Variants in MAGI1 observed in about 807,000 individuals in gnomAD.
MAGI1 encodes membrane-associated guanylate kinase, WW and PDZ domain-containing protein 1.
In MAGI1, 58 loss-of-function variants were observed where a neutral mutation model predicts 139.9. That is an observed-to-expected ratio of 0.41 (90% confidence interval 0.34 to 0.52). The LOEUF is 0.52. MAGI1 is among the 20% of genes least tolerant of loss of function. The pLI is 0.12. For synonymous variants in MAGI1, 812 were observed against 737.9 expected, an observed-to-expected ratio of 1.10 and a Z score of -1.63; for missense variants, 1,874 against 1,901.6, an observed-to-expected ratio of 0.99 and a Z score of 0.27.
intron 1 of MAGI1, among the ~76,000 whole-genome samples, chr3:65,809,490 G>C (rs1456939226): frequency 6.6e-6 from 1 of 152,230 alleles, no homozygotes; most frequent in Non-Finnish European, 1.5e-5. Context: ...TGACAGAGAA[G>C]AGAAATGAAT....
At chr3:65,402,383 T>C (rs1028605189) in intron 12 of MAGI1, among the ~76,000 whole-genome samples, 11 of 152,080 alleles carry the variant, frequency 7.2e-5, no homozygotes, top group African/African-American at 2.2e-4. Context: ...TCAGGAGCAA[T>C]TGGGGGCAGA....
intron 1 of MAGI1, chr3:66,004,039 C>T (rs547154930): frequency 2.0e-5 from 3 of 152,230 alleles, no homozygotes; most frequent in South Asian, 2.1e-4. Context: ...TTCCTTTATA[C>T]CTGTGAGACT....
chr3:66,015,630 T>C (rs972715896), intron 1 of MAGI1, among the ~76,000 whole-genome samples: 152 of 152,330 alleles, frequency 1.0e-3, no homozygotes, highest in African/African-American at 3.6e-3. Context: ...ATTCTATAGC[T>C]ACTGCCTTAA....
chr3:65,687,453 C>A, intron 1 of MAGI1: 1 of 385,222 alleles, frequency 2.6e-6, no homozygotes. Context: ...CCTGATGCAA[C>A]TTCCTTCAGT....
chr3:65,500,008 T>C (rs1175173147), intron 2 of MAGI1, among the ~76,000 whole-genome samples: 5 of 149,936 alleles, frequency 3.3e-5, no homozygotes, highest in Non-Finnish European at 7.4e-5. Flanking sequence ...ATTCAAGTAC[T>C]TTCAAAAGTA....
intron 2 of MAGI1, among the ~76,000 whole-genome samples, chr3:65,545,120 T>G (rs1377657861): frequency 6.6e-6 from 1 of 152,128 alleles, no homozygotes; most frequent in Non-Finnish European, 1.5e-5. Flanking sequence ...TATGAAAACT[T>G]CAGACACAAC....
At chr3:65,913,643 G>A (rs938431393) in intron 1 of MAGI1, among the ~76,000 whole-genome samples, 1 of 152,172 alleles carries the variant, frequency 6.6e-6, no homozygotes, top group Non-Finnish European at 1.5e-5. Flanking sequence ...TTTACCATGA[G>A]ATGCCTTTCA....
intron 18 of MAGI1, among the ~76,000 whole-genome samples, chr3:65,366,743 G>A (rs763291855): frequency 5.3e-5 from 8 of 152,148 alleles, no homozygotes; most frequent in Admixed American, 1.3e-4. Flanking sequence ...AAGATTGTTT[G>A]GAATACTGCC....
At chr3:65,429,482 TA>T (rs147479871) in intron 12 of MAGI1, 37 bp downstream of exon 12, 27,395 of 1,421,780 alleles carry the variant, frequency 0.019, 422 homozygotes, top group African/African-American at 0.085. Context: ...GAATTTGGGA[TA>T]AAAAAAAAAT....
At chr3:65,974,885 G>C (rs558089128) in intron 1 of MAGI1, among the ~76,000 whole-genome samples, 1 of 152,316 alleles carries the variant, frequency 6.6e-6, no homozygotes, top group African/African-American at 2.4e-5. Context: ...CCTGGGAACA[G>C]ACTGCACGAA....
intron 1 of MAGI1, among the ~76,000 whole-genome samples, chr3:65,737,129 T>C (rs963762909): frequency 1.3e-5 from 2 of 152,192 alleles, no homozygotes; most frequent in Non-Finnish European, 2.9e-5. Flanking sequence ...CTCAGCCTCC[T>C]GAGTAGCTGG....
intron 1 of MAGI1, among the ~76,000 whole-genome samples, chr3:65,640,857 C>A (rs1284342727): frequency 6.6e-6 from 1 of 152,128 alleles, no homozygotes; most frequent in Non-Finnish European, 1.5e-5. Context: ...CATTATAGTT[C>A]CCAAAACACA....
chr3:65,718,809 G>A (rs9859419), intron 1 of MAGI1, among the ~76,000 whole-genome samples: 27,218 of 151,874 alleles, frequency 0.18, 2,751 homozygotes, highest in African/African-American at 0.25. Context: ...AATTTCCCAA[G>A]GCAGGTATCA....
chr3:65,730,373 T>C (rs1260137393), intron 1 of MAGI1, among the ~76,000 whole-genome samples: 1 of 152,204 alleles, frequency 6.6e-6, no homozygotes, highest in Non-Finnish European at 1.5e-5. Flanking sequence ...CACAAGATGC[T>C]ACTACCTTTC....
intron 1 of MAGI1, chr3:65,925,206 G>A (rs1264072409): frequency 1.3e-5 from 2 of 152,188 alleles, no homozygotes; most frequent in Non-Finnish European, 2.9e-5. Flanking sequence ...GCCTGTTTAA[G>A]TCACCTTTAG....
chr3:65,538,962 T>G (rs74705376), intron 2 of MAGI1, among the ~76,000 whole-genome samples: 2 of 117,512 alleles, frequency 1.7e-5, no homozygotes, highest in African/African-American at 5.3e-5. Context: ...CTAACTACCA[T>G]CAAACAGACA....
chr3:66,012,399 T>G (rs1158817509), intron 1 of MAGI1, among the ~76,000 whole-genome samples: 2 of 152,080 alleles, frequency 1.3e-5, no homozygotes, highest in African/African-American at 4.8e-5. Context: ...AGAGGTAGTA[T>G]TAAAAGTTCC....
chr3:65,835,735 A>T (rs146525303), intron 1 of MAGI1, among the ~76,000 whole-genome samples: 1 of 152,210 alleles, frequency 6.6e-6, no homozygotes, highest in Non-Finnish European at 1.5e-5. Context: ...AAATGAGAAC[A>T]TTCTTATTTT....
intron 9 of MAGI1, among the ~76,000 whole-genome samples, chr3:65,437,715 T>C (rs1947949118): frequency 6.6e-6 from 1 of 152,182 alleles, no homozygotes; most frequent in African/African-American, 2.4e-5. Flanking sequence ...CAAATACTCC[T>C]GGGTCCTAAT....
Sources: gnomAD v4.1 joint callset for allele counts (sites outside exome capture counted in the v4.1 genomes callset) on GRCh38, gnomAD v4.1.1 for gene constraint, MANE v1.5 for transcripts, NCBI Gene and HGNC (gene_info 2026-07-23, HGNC 2026-07-21) for gene names.